Variants in ZSCAN5A observed in about 807,000 individuals in gnomAD.
ZSCAN5A encodes zinc finger and SCAN domain-containing protein 5A.
In ZSCAN5A, 12 loss-of-function variants were observed where a neutral mutation model predicts 23.7. The ratio of observed to expected loss-of-function variants is 0.51; its 90% CI spans 0.32 to 0.82. ZSCAN5A has a LOEUF of 0.82. Ranked by LOEUF, ZSCAN5A falls within the 40% of genes least tolerant of loss-of-function variation. The pLI is 0.03. For synonymous variants in ZSCAN5A, 257 were observed against 239.9 expected, an observed-to-expected ratio of 1.07 and a Z score of -0.66; for missense variants, 597 against 617.9, an observed-to-expected ratio of 0.97 and a Z score of 0.36.
At position 56,225,388 on chromosome 19, in the gene ZSCAN5A, C is replaced by T. The variant is rs566834750; in HGVS notation, c.-127-215G>A. On this transcript the variant is annotated intron_variant, in intron 2 of 5. Coordinates refer to ENST00000683990, the MANE Select transcript of ZSCAN5A (RefSeq NM_001322064.3). ...GGAAATCACTGTGCAGAGGCTGAAT[C>T]AGTTTTCCTGTCAATTGGAACAACA... The T allele has an allele frequency of 7.1e-5, 16 of 225,236 alleles. No homozygotes were observed. The South Asian group carries it at 2.4e-3, about 34-fold the overall frequency. 14.0% of individuals were successfully genotyped at this position (225,236 alleles called of 1,614,324 possible).
chr19:56,232,515 T>C (rs942893517), intron 2 of ZSCAN5A, among the ~76,000 whole-genome samples: 1 of 151,994 alleles, frequency 6.6e-6, no homozygotes, highest in African/African-American at 2.4e-5. Context: ...AAAAAGAGGA[T>C]TCTCTTAAAA....
chr19:56,331,363 C>T (rs959657827), intron 2 of ZSCAN5A, among the ~76,000 whole-genome samples: 3 of 151,906 alleles, frequency 2.0e-5, no homozygotes, highest in African/African-American at 7.3e-5. Context: ...ATAGGATTGG[C>T]GTTGAATATG....
chr19:56,282,408 T>C (rs918767144), intron 2 of ZSCAN5A: 20 of 844,878 alleles, frequency 2.4e-5, no homozygotes, highest in Admixed American at 1.2e-4. Flanking sequence ...ATTCCTTTCA[T>C]ATTCTCTCTG....
Position 56,302,779 on chromosome 19 carries a change from TC to T in ZSCAN5A, c.-128+10503del, listed in dbSNP as rs1272216678. The T allele has an allele frequency of 3.8e-5, 15 of 396,974 alleles. No individual in the cohort carries two copies. The South Asian group carries it at 3.9e-4, about 10-fold the overall frequency. 24.6% of individuals were successfully genotyped at this position (396,974 alleles called of 1,614,324 possible). A position where few individuals can be genotyped will look rare whatever the true frequency, so the allele number is the denominator to read the frequency against. The stretch of plus-strand genomic sequence containing the variant: ...TCTGCACTAACACAGCCCCAGGGGC[TC>T]CTTTGAAATACTGTCACTCATTCTG... On this transcript the variant is annotated intron_variant, in intron 2 of 5. Transcript: ENST00000683990.
rs945144346 is a variant in ZSCAN5A, at chr19:56,224,929, G to A, written c.118C>T (p.Pro40Ser). The change falls in exon 3 of 6, where the codon CCT (proline) becomes TCT (serine). Residue 40 changes from proline to serine, a missense_variant. Physicochemically the swap from Pro to Ser is moderately conservative, Grantham distance 74. This residue lies in a region of ZSCAN5A where 72 missense variants were observed against 76.8 expected (regional missense o/e 0.94). Coordinates refer to ENST00000683990, the MANE Select transcript of ZSCAN5A (RefSeq NM_001322064.3). ...CTGAAGTTCACGTGAGAAATCTCAG[G>A]GTCCACGTCGTGATTTCCAAGTTGA... The part of the protein sequence containing the change: ...ETQLGNHDVD[P>S]EISHVNFRMF... The A allele has an allele frequency of 5.6e-6, 9 of 1,614,064 alleles. No individual in the cohort carries two copies. The Admixed American group carries it at 1.3e-4, about 24-fold the overall frequency.
At chr19:56,249,645 G>A (rs1160616350) in intron 2 of ZSCAN5A, among the ~76,000 whole-genome samples, 7 of 152,200 alleles carry the variant, frequency 4.6e-5, no homozygotes, top group African/African-American at 1.7e-4. Flanking sequence ...TTCCCCCACT[G>A]TTCACATGGT....
intron 2 of ZSCAN5A, among the ~76,000 whole-genome samples, chr19:56,247,820 T>C (rs1466568343): frequency 6.6e-6 from 1 of 151,998 alleles, no homozygotes; most frequent in African/African-American, 2.4e-5. Flanking sequence ...GCCTCCCGAG[T>C]AGCTGGGACT....
intron 4 of ZSCAN5A, among the ~76,000 whole-genome samples, chr19:56,223,179 AT>A (rs2033480434): frequency 6.6e-6 from 1 of 151,982 alleles, no homozygotes; most frequent in Non-Finnish European, 1.5e-5. Context: ...ACACCCCACC[AT>A]CCCCTACAAT....
chr19:56,362,303 G>A (rs901211042), intron 2 of ZSCAN5A, among the ~76,000 whole-genome samples: 4 of 151,560 alleles, frequency 2.6e-5, no homozygotes, highest in African/African-American at 4.8e-5. Flanking sequence ...ACTATGGCTT[G>A]TGCCTGTAAT....
intron 2 of ZSCAN5A, chr19:56,321,873 G>A (rs2041379347): frequency 1.2e-6 from 1 of 810,964 alleles, no homozygotes. Flanking sequence ...ATTTCTGGCA[G>A]GTTGGCACGC....
At chr19:56,237,298 C>G (rs1012757541) in intron 2 of ZSCAN5A, among the ~76,000 whole-genome samples, 1 of 152,168 alleles carries the variant, frequency 6.6e-6, no homozygotes, top group African/African-American at 2.4e-5. Flanking sequence ...TTCTCCTTTG[C>G]GGCGGTGCTT....
intron 2 of ZSCAN5A, among the ~76,000 whole-genome samples, chr19:56,340,321 C>T (rs572217580): frequency 6.6e-6 from 1 of 152,290 alleles, no homozygotes; most frequent in East Asian, 1.9e-4. Context: ...TTCAAAGTAG[C>T]AGTGGAGCCA....
chr19:56,337,658 G>T (rs939554586), intron 2 of ZSCAN5A, among the ~76,000 whole-genome samples: 1 of 152,164 alleles, frequency 6.6e-6, no homozygotes, highest in African/African-American at 2.4e-5. Context: ...AAATGCAGAA[G>T]TCACCTGTCT....
intron 2 of ZSCAN5A, among the ~76,000 whole-genome samples, chr19:56,245,895 A>T (rs967018939): frequency 6.6e-6 from 1 of 152,052 alleles, no homozygotes; most frequent in Non-Finnish European, 1.5e-5. Context: ...TGTTGATAGC[A>T]TCTAGAGGGT....
At chr19:56,329,232 A>G (rs2041467327) in intron 2 of ZSCAN5A, among the ~76,000 whole-genome samples, 1 of 151,180 alleles carries the variant, frequency 6.6e-6, no homozygotes, top group South Asian at 2.1e-4. Flanking sequence ...GCCTGTAAAC[A>G]CAGCTACTTA....
intron 2 of ZSCAN5A, among the ~76,000 whole-genome samples, chr19:56,247,747 A>G (rs918407082): frequency 6.6e-6 from 1 of 152,134 alleles, no homozygotes; most frequent in Non-Finnish European, 1.5e-5. Context: ...GCTGGAGTGC[A>G]GTGGTGCGAT....
intron 2 of ZSCAN5A, among the ~76,000 whole-genome samples, chr19:56,343,888 T>A (rs1183176895): frequency 1.3e-5 from 2 of 152,246 alleles, no homozygotes; most frequent in African/African-American, 2.4e-5. Flanking sequence ...TTTCCTACAA[T>A]ATATTTTGTT....
chr19:56,242,663 C>A (rs1187213610), intron 2 of ZSCAN5A, among the ~76,000 whole-genome samples: 6 of 152,212 alleles, frequency 3.9e-5, no homozygotes, highest in Non-Finnish European at 7.3e-5. Context: ...GAAGACAGGG[C>A]TGCGTTCTCA....
At chr19:56,272,685 C>G (rs2037940091) in intron 2 of ZSCAN5A, 1 of 154,434 alleles carries the variant, frequency 6.5e-6, no homozygotes, top group Admixed American at 6.5e-5. Context: ...GTGGCGTGGG[C>G]ACAGGTCTGG....
Sources: gnomAD v4.1 joint callset for allele counts (sites outside exome capture counted in the v4.1 genomes callset) on GRCh38, gnomAD v4.1.1 for gene constraint, gnomAD v4.1.1 regional missense constraint, MANE v1.5 for transcripts, NCBI Gene and HGNC (gene_info 2026-07-23, HGNC 2026-07-21) for gene names.